Variants in CCDC178 observed in about 807,000 individuals in gnomAD.
CCDC178 encodes coiled-coil domain-containing protein 178.
A neutral mutation model predicts 117.4 loss-of-function variants in CCDC178; 126 were observed. The observed-to-expected ratio is 1.07, with a 90% CI of 0.93 to 1.24. The LOEUF (loss-of-function observed/expected upper bound fraction) is 1.24, where lower values mean the gene tolerates loss of function less well. Ranked by LOEUF, CCDC178 falls within the 50% of genes most tolerant of loss-of-function variation. The pLI, the probability that CCDC178 is intolerant of heterozygous loss-of-function variation, is 0.00. For missense variants in CCDC178, 1,030 were observed against 986.9 expected (o/e 1.04, Z -0.59); for synonymous variants, 283 against 313.4 (o/e 0.90, Z 1.02).
At chr18:33,336,213 C>T (rs992830772) in intron 9 of CCDC178, among the ~76,000 whole-genome samples, 1 of 152,094 alleles carries the variant, frequency 6.6e-6, no homozygotes, top group Non-Finnish European at 1.5e-5. Context: ...TCATGGTTCA[C>T]TCTTAGGCTG....
At chr18:33,258,670 G>T (rs574456545) in intron 14 of CCDC178, among the ~76,000 whole-genome samples, 1 of 152,224 alleles carries the variant, frequency 6.6e-6, no homozygotes, top group South Asian at 2.1e-4. Flanking sequence ...ACACAAAGCA[G>T]GTGCTCAGGA....
chr18:33,217,476 G>A (rs2059180562), intron 18 of CCDC178, among the ~76,000 whole-genome samples: 2 of 151,664 alleles, frequency 1.3e-5, no homozygotes, highest in South Asian at 4.2e-4. Context: ...TCCCATGGCT[G>A]TTAATTTTCA....
intron 20 of CCDC178, among the ~76,000 whole-genome samples, chr18:33,208,629 G>A (rs1320159362): frequency 6.6e-6 from 1 of 151,976 alleles, no homozygotes; most frequent in Non-Finnish European, 1.5e-5. Context: ...GTGACCAATA[G>A]GAGAATAATA....
chr18:33,237,103 A>T (rs2059433874), intron 15 of CCDC178, among the ~76,000 whole-genome samples: 1 of 152,166 alleles, frequency 6.6e-6, no homozygotes, highest in Admixed American at 6.5e-5. Flanking sequence ...TCTTGATACC[A>T]GAGCCACCTC....
intron 12 of CCDC178, among the ~76,000 whole-genome samples, chr18:33,280,809 C>T (rs368272587): frequency 3.9e-5 from 6 of 152,016 alleles, no homozygotes; most frequent in East Asian, 1.9e-4. Flanking sequence ...TGTAGGGACA[C>T]GGATGAAATT....
At chr18:33,306,502 T>C (rs944307878) in intron 11 of CCDC178, among the ~76,000 whole-genome samples, 1 of 138,556 alleles carries the variant, frequency 7.2e-6, no homozygotes, top group African/African-American at 2.8e-5. Flanking sequence ...TATATATATA[T>C]GGTTATATAT....
In CCDC178 at chr18:33,341,170, T is replaced by C. The variant is rs141998465; in HGVS notation, c.658+5041A>G. Among the ~76,000 whole-genome samples the C allele has an allele frequency of 9.2e-5, 14 of 151,988 alleles. No individual in the cohort carries two copies. In the East Asian group the frequency reaches 2.5e-3, roughly 28 times the overall value. On this transcript the variant is annotated intron_variant, in intron 9 of 22. Transcript: ENST00000383096. The stretch of plus-strand genomic sequence containing the variant: ...AGACCTGGAGTCAAAGGAGATCATT[T>C]TGGAGCCTTAAAATTTGGCTACCCC...
chr18:33,278,146 T>C (rs1245095536), intron 12 of CCDC178, among the ~76,000 whole-genome samples: 12 of 151,738 alleles, frequency 7.9e-5, no homozygotes, highest in Non-Finnish European at 2.9e-5. Context: ...GTTCGATATA[T>C]CCTGGGGTGA....
chr18:33,237,898 A>G (rs896200915), intron 15 of CCDC178, among the ~76,000 whole-genome samples: 1 of 152,218 alleles, frequency 6.6e-6, no homozygotes, highest in Non-Finnish European at 1.5e-5. Context: ...AACCCCAGTG[A>G]GCCAGACCCT....
chr18:33,156,851 T>C (rs1477241972), intron 20 of CCDC178, among the ~76,000 whole-genome samples: 2 of 152,288 alleles, frequency 1.3e-5, no homozygotes, highest in East Asian at 3.9e-4. Context: ...CCAGTTTCCC[T>C]GCTCCTATAG....
chr18:33,408,877 A>T (rs1465090356), intron 3 of CCDC178, among the ~76,000 whole-genome samples: 4 of 152,142 alleles, frequency 2.6e-5, no homozygotes, highest in Non-Finnish European at 5.9e-5. Context: ...AAAGCCAAAA[A>T]ATTATAGTTT....
At chr18:33,047,773 C>T (rs1418280671) in intron 21 of CCDC178, among the ~76,000 whole-genome samples, 1 of 152,092 alleles carries the variant, frequency 6.6e-6, no homozygotes, top group African/African-American at 2.4e-5. Flanking sequence ...TGGGTTTTGC[C>T]AATTTTCAGT....
Position 33,107,055 on chromosome 18 carries a change from G to A in CCDC178, c.2239-14145C>T, listed in dbSNP as rs1424019430. On this transcript the variant is annotated intron_variant, in intron 20 of 22. Transcript: ENST00000383096. Reference sequence around the variant, plus strand: ...GATGCTTCCCTGAGCCCTCAGAAGGGGAATACAGCCCTGGCAACAACTTGA... The same window carrying A: ...GATGCTTCCCTGAGCCCTCAGAAGGAGAATACAGCCCTGGCAACAACTTGA... Among the ~76,000 whole-genome samples, 6 of 151,578 alleles carry A rather than the reference G, an allele frequency of 4.0e-5. No homozygotes were observed. The South Asian group carries it at 1.0e-3, about 26-fold the overall frequency.
At chr18:33,395,952 G>T (rs531700844) in intron 4 of CCDC178, among the ~76,000 whole-genome samples, 1 of 151,964 alleles carries the variant, frequency 6.6e-6, no homozygotes, top group East Asian at 1.9e-4. Flanking sequence ...TATGTAAAAA[G>T]CTTTGACTTG....
intron 20 of CCDC178, among the ~76,000 whole-genome samples, chr18:33,118,680 T>C (rs2057892468): frequency 6.6e-6 from 1 of 152,158 alleles, no homozygotes; most frequent in Non-Finnish European, 1.5e-5. Context: ...TTCACAGAAT[T>C]GGAAAGAACT....
At position 33,269,585 on chromosome 18, in the gene CCDC178, A is replaced by T. The variant is rs141661493; in HGVS notation, c.1177-2288T>A. Among the ~76,000 whole-genome samples, 576 of 151,896 alleles carry T rather than the reference A, an allele frequency of 3.8e-3. 2 individuals carry two copies. Among genetic ancestry groups the T allele is most frequent in the African/African-American group, 0.013 (533 of 41,506 alleles). ...AACTTTTCTGCAAAGACAGAGATAA[A>T]TTTTTTTCAGATTTTAAGGATTATT... On this transcript the variant is annotated intron_variant, in intron 12 of 22. Coordinates refer to ENST00000383096, the MANE Select transcript of CCDC178 (RefSeq NM_001105528.4).
intron 21 of CCDC178, among the ~76,000 whole-genome samples, chr18:33,074,470 G>A (rs2057169426): frequency 6.6e-6 from 1 of 152,094 alleles, no homozygotes; most frequent in Admixed American, 6.5e-5. Context: ...TTAAAATTAT[G>A]TTTTATTCAT....
chr18:33,307,030 T>A (rs527312383), intron 11 of CCDC178, among the ~76,000 whole-genome samples: 13 of 152,248 alleles, frequency 8.5e-5, no homozygotes, highest in Admixed American at 5.9e-4. Flanking sequence ...GTCAGTTACA[T>A]CTCTTTCCTT....
intron 20 of CCDC178, among the ~76,000 whole-genome samples, chr18:33,121,899 T>G (rs1412991832): frequency 2.6e-5 from 4 of 152,122 alleles, no homozygotes; most frequent in Non-Finnish European, 5.9e-5. Flanking sequence ...ACTTTACTAT[T>G]TTTAGGTATA....
Sources: allele counts gnomAD v4.1 joint callset (sites outside exome capture counted in the v4.1 genomes callset), GRCh38; gene constraint gnomAD v4.1.1; transcripts MANE v1.5; gene names NCBI Gene and HGNC (gene_info 2026-07-23, HGNC 2026-07-21).